Variants in SLC24A4 observed in about 807,000 individuals in gnomAD.
The protein encoded by SLC24A4 is solute carrier family 24 member 4.
In SLC24A4, 53 loss-of-function variants were observed where a neutral mutation model predicts 79.0. That is an observed-to-expected ratio of 0.67 (90% CI 0.54 to 0.84). The LOEUF is 0.84. Among genes scored for constraint, SLC24A4 ranks in the 40% least tolerant of loss-of-function variants. The pLI, the probability that SLC24A4 is intolerant of heterozygous loss-of-function variation, is 0.00. For synonymous variants in SLC24A4, 323 were observed against 323.8 expected, an observed-to-expected ratio of 1.00 and a Z score of 0.03; for missense variants, 731 against 822.0, an observed-to-expected ratio of 0.89 and a Z score of 1.35.
At chr14:92,377,382 G>C (rs1005417190) in intron 2 of SLC24A4, among the ~76,000 whole-genome samples, 1 of 152,250 alleles carries the variant, frequency 6.6e-6, no homozygotes, top group African/African-American at 2.4e-5. Flanking sequence ...AGCAGACCTT[G>C]AGCAGGTAGA....
chr14:92,445,493 C>T (rs1892750592), intron 8 of SLC24A4, 151 bp downstream of exon 8: 1 of 890,398 alleles, frequency 1.1e-6, no homozygotes, highest in East Asian at 2.6e-5. Context: ...TCTAAGCAGT[C>T]ATGCCTTTCT....
At chr14:92,476,619 T>A (rs2139907576) in intron 12 of SLC24A4, among the ~76,000 whole-genome samples, 1 of 152,358 alleles carries the variant, frequency 6.6e-6, no homozygotes, top group Middle Eastern at 3.4e-3. Context: ...TTTTGCTATA[T>A]TCACAGAGCT....
intron 2 of SLC24A4, among the ~76,000 whole-genome samples, chr14:92,372,086 C>T (rs1566721278): frequency 6.6e-6 from 1 of 152,214 alleles, no homozygotes; most frequent in East Asian, 1.9e-4. Context: ...GTGATTCCAG[C>T]CAGCTGCAGC....
chr14:92,439,802 G>C (rs528138773), intron 4 of SLC24A4, among the ~76,000 whole-genome samples: 1 of 152,222 alleles, frequency 6.6e-6, no homozygotes, highest in African/African-American at 2.4e-5. Context: ...CCCGCCAGGG[G>C]GACGCCAAGC....
At chr14:92,413,738 T>C (rs1483471100) in intron 2 of SLC24A4, among the ~76,000 whole-genome samples, 3 of 152,176 alleles carry the variant, frequency 2.0e-5, no homozygotes, top group Admixed American at 6.5e-5. Context: ...GACCTGCTGG[T>C]TGTATAGGAA....
chr14:92,406,987 A>G (rs571648741), intron 2 of SLC24A4, among the ~76,000 whole-genome samples: 2 of 152,330 alleles, frequency 1.3e-5, no homozygotes, highest in Non-Finnish European at 2.9e-5. Context: ...CCTTTTAAAC[A>G]TAAGTTCCAA....
chr14:92,447,672 T>C (rs897352204), intron 9 of SLC24A4, among the ~76,000 whole-genome samples: 1 of 152,188 alleles, frequency 6.6e-6, no homozygotes, highest in Non-Finnish European at 1.5e-5. Context: ...ACCACAAGGC[T>C]GCTCTCCAGA....
intron 2 of SLC24A4, among the ~76,000 whole-genome samples, chr14:92,374,281 G>A (rs1035227115): frequency 1.3e-5 from 2 of 152,230 alleles, no homozygotes; most frequent in Non-Finnish European, 2.9e-5. Context: ...AAGAGGTGGT[G>A]TGGTTCCCAC....
intron 2 of SLC24A4, among the ~76,000 whole-genome samples, chr14:92,336,007 C>A (rs2141606100): frequency 6.6e-6 from 1 of 152,228 alleles, no homozygotes; most frequent in South Asian, 2.1e-4. Context: ...GTTTTTTTGG[C>A]CTCATCCAAA....
chr14:92,480,473 T>C (rs991062752), intron 12 of SLC24A4, among the ~76,000 whole-genome samples: 1 of 149,944 alleles, frequency 6.7e-6, no homozygotes, highest in Non-Finnish European at 1.5e-5. Context: ...TTTTGTATTT[T>C]TAGTAGAGAC....
intron 1 of SLC24A4, among the ~76,000 whole-genome samples, chr14:92,325,312 TGGCC>T (rs767531231): frequency 2.6e-5 from 4 of 152,242 alleles, no homozygotes; most frequent in Admixed American, 1.3e-4. Context: ...TTGCCCAGTA[TGGCC>T]CCTGGACCAG....
chr14:92,415,769 AT>A (rs75655818), intron 2 of SLC24A4, among the ~76,000 whole-genome samples: 179 of 149,388 alleles, frequency 1.2e-3, no homozygotes, highest in African/African-American at 3.9e-3. Context: ...CTATGTTTTT[AT>A]TTTTTTTTTA....
At chr14:92,448,902 C>G (rs1489285757) in intron 9 of SLC24A4, among the ~76,000 whole-genome samples, 172 bp from the exon 10 acceptor site, 1 of 152,156 alleles carries the variant, frequency 6.6e-6, no homozygotes, top group Non-Finnish European at 1.5e-5. Flanking sequence ...CTCCCAGGTC[C>G]CTGTCAGGAA....
chr14:92,392,196 C>T (rs79278259), intron 2 of SLC24A4, among the ~76,000 whole-genome samples: 64 of 151,228 alleles, frequency 4.2e-4, no homozygotes, highest in African/African-American at 1.5e-3. Context: ...GGCAGGACTT[C>T]TGGATTTAAA....
chr14:92,477,469 G>T (rs1438333196), intron 12 of SLC24A4, among the ~76,000 whole-genome samples: 2 of 151,870 alleles, frequency 1.3e-5, no homozygotes, highest in Non-Finnish European at 1.5e-5. Context: ...TGTTTTTGTT[G>T]TTGTTGTTTT....
At chr14:92,484,186 C>T (rs1365025240) in intron 13 of SLC24A4, 13 of 985,266 alleles carry the variant, frequency 1.3e-5, no homozygotes, top group Non-Finnish European at 1.4e-5. Flanking sequence ...CCCCATCTCT[C>T]CCAGAGCATT....
chr14:92,456,630 C>G, intron 12 of SLC24A4, 22 bp downstream of exon 12: 2 of 1,608,634 alleles, frequency 1.2e-6, no homozygotes, highest in Non-Finnish European at 1.7e-6. Context: ...GGGTACTGGA[C>G]TCTCGGGCTA....
intron 2 of SLC24A4, among the ~76,000 whole-genome samples, chr14:92,329,609 A>G (rs571309219): frequency 6.6e-6 from 1 of 152,224 alleles, no homozygotes; most frequent in Non-Finnish European, 1.5e-5. Context: ...GGCAGCCTCT[A>G]CCACCCTGGC....
chr14:92,390,108 C>T (rs552003731), intron 2 of SLC24A4, among the ~76,000 whole-genome samples: 2 of 141,220 alleles, frequency 1.4e-5, no homozygotes, highest in Non-Finnish European at 3.1e-5. Context: ...CCCGGCTACC[C>T]CTGGGCCCGG....
Sources: gnomAD v4.1 joint callset for allele counts (sites outside exome capture counted in the v4.1 genomes callset) on GRCh38, gnomAD v4.1.1 for gene constraint, MANE v1.5 for transcripts, NCBI Gene and HGNC (gene_info 2026-07-23, HGNC 2026-07-21) for gene names.